The following ARNT2 variants were observed in gnomAD, a reference collection of about 807,000 sequenced individuals.
ARNT2 encodes aryl hydrocarbon receptor nuclear translocator 2.
In ARNT2, 36 loss-of-function variants were observed where a neutral mutation model predicts 91.7. The ratio of observed to expected loss-of-function variants is 0.39; its 90% confidence interval spans 0.30 to 0.52. ARNT2 has a LOEUF of 0.52. ARNT2 is among the 20% of genes least tolerant of loss of function. The pLI is 0.72. For synonymous variants in ARNT2, 365 were observed against 347.1 expected, an observed-to-expected ratio of 1.05 and a Z score of -0.57; for missense variants, 775 against 939.3, an observed-to-expected ratio of 0.83 and a Z score of 2.29.
chr15:80,575,211 G>A lies in ARNT2; in HGVS notation c.1513+101G>A. On this transcript the variant is annotated intron_variant, in intron 14 of 18. Transcript: ENST00000303329. Reference sequence around the variant, plus strand: ...TCTTAGTAAGAGGGGGCCACGGAAGGTGAGTTTTGAGTAACCATTGCAGGG... The same window carrying A: ...TCTTAGTAAGAGGGGGCCACGGAAGATGAGTTTTGAGTAACCATTGCAGGG... 19 of 1,489,184 alleles carry A rather than the reference G, an allele frequency of 1.3e-5. No homozygotes were observed. In the South Asian group the frequency reaches 2.4e-4, roughly 19 times the overall value. 92.2% of individuals were successfully genotyped at this position (1,489,184 alleles called of 1,614,324 possible).
chr15:80,547,587 T>G (rs1164498451), intron 8 of ARNT2, among the ~76,000 whole-genome samples: 1 of 152,210 alleles, frequency 6.6e-6, no homozygotes, highest in African/African-American at 2.4e-5. Flanking sequence ...TGGTGGTTAT[T>G]ATAACTTATG....
intron 5 of ARNT2, among the ~76,000 whole-genome samples, chr15:80,507,114 G>A (rs1175550252): frequency 1.3e-5 from 2 of 152,226 alleles, no homozygotes; most frequent in South Asian, 4.1e-4. Context: ...TTCAAGGCCA[G>A]AGAAGATCTT....
chr15:80,412,442 C>A (rs1239262331), intron 1 of ARNT2, among the ~76,000 whole-genome samples: 1 of 152,114 alleles, frequency 6.6e-6, no homozygotes, highest in Admixed American at 6.5e-5. Context: ...GATAATTCTG[C>A]CACCCATAAC....
Position 80,555,148 on chromosome 15 carries a change from T to C in ARNT2, c.1164+9T>C, listed in dbSNP as rs1467868835. 1.2e-6 allele frequency: 2 copies of C among 1,613,920 alleles called. No homozygotes were observed. Among genetic ancestry groups the C allele is most frequent in the Non-Finnish European group, 1.7e-6 (2 of 1,179,768 alleles). On this transcript the variant is annotated intron_variant, in intron 11 of 18. Coordinates refer to ENST00000303329, the MANE Select transcript of ARNT2 (RefSeq NM_014862.4). ...GTGAGAGCTTCCAGCAGGTACATACTGCCAGTACCCACTTAAAGCTGATGC... is the reference window on the plus strand; with the variant it reads ...GTGAGAGCTTCCAGCAGGTACATACCGCCAGTACCCACTTAAAGCTGATGC...
intron 1 of ARNT2, chr15:80,442,941 G>C: frequency 1.0e-6 from 1 of 985,400 alleles, no homozygotes; most frequent in Non-Finnish European, 1.2e-6. Context: ...CCTCTGGCGT[G>C]CCCTCCTTGC....
chr15:80,450,528 C>G (rs918371980), intron 1 of ARNT2, among the ~76,000 whole-genome samples: 1 of 152,218 alleles, frequency 6.6e-6, no homozygotes, highest in African/African-American at 2.4e-5. Flanking sequence ...TTCCCTCAGG[C>G]CTTAGCTGTG....
chr15:80,496,963 T>C (rs1404594275), intron 5 of ARNT2, among the ~76,000 whole-genome samples: 6 of 152,174 alleles, frequency 3.9e-5, no homozygotes, highest in African/African-American at 1.2e-4. Context: ...AGTGTATGTA[T>C]GCGAGGCACC....
intron 5 of ARNT2, among the ~76,000 whole-genome samples, chr15:80,494,119 G>A (rs1035205921): frequency 1.3e-5 from 2 of 152,068 alleles, no homozygotes; most frequent in Non-Finnish European, 2.9e-5. Context: ...TCAGCCTCGG[G>A]TGTTCCTTTA....
chr15:80,577,016 GA>G, intron 15 of ARNT2, 51 bp downstream of exon 15: 1 of 1,567,460 alleles, frequency 6.4e-7, no homozygotes, highest in Non-Finnish European at 8.8e-7. Flanking sequence ...CCCTCACCAA[GA>G]AAGCCCTGGG....
intron 8 of ARNT2, among the ~76,000 whole-genome samples, chr15:80,522,332 G>T (rs1897562226): frequency 6.6e-6 from 1 of 152,136 alleles, no homozygotes; most frequent in South Asian, 2.1e-4. Context: ...ATACATAATG[G>T]AGCCAGAATG....
At chr15:80,477,465 G>T (rs559324862) in intron 5 of ARNT2, among the ~76,000 whole-genome samples, 2 of 152,174 alleles carry the variant, frequency 1.3e-5, no homozygotes, top group African/African-American at 4.8e-5. Context: ...GAATTTCAGC[G>T]TACGAATTTG....
rs993238554 is a variant in ARNT2 at position 80,591,947 on chromosome 15, A to C, written c.2055+243A>C. Among the ~76,000 whole-genome samples the C allele has an allele frequency of 5.3e-5, 8 of 152,156 alleles. No homozygotes were observed. The highest frequency in any genetic ancestry group is 1.9e-4 in the African/African-American group (8 of 41,440). On this transcript the variant is annotated intron_variant, in intron 18 of 18. Coordinates refer to ENST00000303329, the MANE Select transcript of ARNT2 (RefSeq NM_014862.4). The surrounding 1 kb of genome is among the most constrained non-coding windows in gnomAD (Gnocchi z 5.1). ...TAAGCCACACAATAGAGGAGGCTGC[A>C]GTTGGAGATGCTTCCCAGACTCCAG...
chr15:80,569,132 C>T (rs559043819), intron 12 of ARNT2, among the ~76,000 whole-genome samples: 2 of 152,350 alleles, frequency 1.3e-5, no homozygotes, highest in South Asian at 2.1e-4. Context: ...CTCCCAGGGA[C>T]ATGATTCCAG....
chr15:80,580,639 T>C lies in ARNT2; in HGVS notation c.1752+90T>C, dbSNP rs1014659091. ...TTTCTTTGGATTGCGGTTCTGAGGATGGGTCGGCTCCTAGCTGGAACCAAC... is the reference window on the plus strand; with the variant it reads ...TTTCTTTGGATTGCGGTTCTGAGGACGGGTCGGCTCCTAGCTGGAACCAAC... On this transcript the variant is annotated intron_variant, in intron 16 of 18. Coordinates refer to ENST00000303329, the MANE Select transcript of ARNT2 (RefSeq NM_014862.4). 7.1e-6 allele frequency: 11 copies of C among 1,552,130 alleles called. No individual in the cohort carries two copies. The East Asian group carries it at 2.6e-4, about 36-fold the overall frequency.
chr15:80,446,727 T>G (rs1046582333), intron 1 of ARNT2, among the ~76,000 whole-genome samples: 7 of 151,936 alleles, frequency 4.6e-5, no homozygotes, highest in African/African-American at 1.7e-4. Flanking sequence ...GCAAAGAAGA[T>G]GGCAGAGTGC....
chr15:80,435,689 C>T lies in ARNT2; in HGVS notation c.32-15191C>T, dbSNP rs554666478. 3.9e-5 allele frequency among the ~76,000 whole-genome samples: 6 copies of T among 152,232 alleles called. No individual in the cohort carries two copies. In the South Asian group the frequency reaches 6.2e-4, roughly 16 times the overall value. On this transcript the variant is annotated intron_variant, in intron 1 of 18. Transcript: ENST00000303329. ...CCATTACCGGCTTAGAAGTGGGAGG[C>T]GTGTGGGCTTCAGAGACAGCTTTGA...
chr15:80,504,487 A>G (rs1290939934), intron 5 of ARNT2, among the ~76,000 whole-genome samples: 3 of 150,822 alleles, frequency 2.0e-5, no homozygotes, highest in African/African-American at 7.3e-5. Flanking sequence ...AGTAGAAGTC[A>G]GCTAAGCACA....
intron 2 of ARNT2, among the ~76,000 whole-genome samples, chr15:80,455,518 A>T (rs1896469331): frequency 6.6e-6 from 1 of 152,022 alleles, no homozygotes; most frequent in Non-Finnish European, 1.5e-5. Flanking sequence ...ATTATTTACC[A>T]TGGGGCTCAC....
intron 1 of ARNT2, among the ~76,000 whole-genome samples, chr15:80,449,812 T>C (rs997212071): frequency 4.6e-5 from 7 of 152,234 alleles, no homozygotes; most frequent in African/African-American, 1.7e-4. Flanking sequence ...AACCATGCAC[T>C]GTCAACATCA....
Sources: allele counts gnomAD v4.1 joint callset (sites outside exome capture counted in the v4.1 genomes callset), GRCh38; gene constraint gnomAD v4.1.1; non-coding constraint Gnocchi (gnomAD v3.1); transcripts MANE v1.5; gene names NCBI Gene and HGNC (gene_info 2026-07-23, HGNC 2026-07-21).